The following RANGAP1 variants were observed in gnomAD, a reference collection of about 807,000 sequenced individuals.
RANGAP1 encodes the protein ran GTPase-activating protein 1.
RANGAP1 carries 38 observed loss-of-function variants against 63.5 expected under a neutral mutation model. The ratio of observed to expected loss-of-function variants is 0.60; its 90% CI spans 0.46 to 0.78. The LOEUF (loss-of-function observed/expected upper bound fraction) is 0.78, where lower values mean the gene tolerates loss of function less well. Among genes scored for constraint, RANGAP1 ranks in the 30% least tolerant of loss-of-function variants. The probability of loss-of-function intolerance (pLI) is 0.00; values close to 1 mark genes in which losing one functional copy is unlikely to be tolerated. For missense variants in RANGAP1, 630 were observed against 740.3 expected, an observed-to-expected ratio of 0.85 and a Z score of 1.73; for synonymous variants, 329 against 310.5, an observed-to-expected ratio of 1.06 and a Z score of -0.63.
chr22:41,246,265 T>C lies in RANGAP1; in HGVS notation c.*338A>G, dbSNP rs934764249. 6 of 195,918 alleles carry C rather than the reference T, an allele frequency of 3.1e-5. No individual in the cohort carries two copies. The highest frequency in any genetic ancestry group is 6.3e-5 in the Non-Finnish European group (6 of 95,764). The allele number at this position is 195,918 out of a possible 1,614,324, so 12.1% of individuals were successfully genotyped here. On this transcript the variant is annotated 3_prime_UTR_variant, in exon 16 of 16. Transcript: ENST00000356244. ...GAAGGCAGGTGGGTGGGGACGGCCA[T>C]CAGGGCCCAGGCGGAGATCAGCAGA... is the stretch of plus-strand genomic sequence containing the variant.
Position 41,261,557 on chromosome 22 carries a change from T to A in RANGAP1, c.504A>T (p.Glu168Asp), listed in dbSNP as rs1354360730. ...CTTGGGCACTGGATTTCCGGTGACA[T>A]TCGGTCAGAGCTGCAGCCAGGATCT... The part of the protein sequence containing the change: ...GGKILAAALT[E>D]CHRKSSAQGK... The change falls in exon 6 of 16, where the codon GAA becomes GAT. Residue 168 changes from glutamate (E) to aspartate (D), a missense_variant. Glu to Asp is a conservative substitution (Grantham distance 45). Coordinates refer to ENST00000356244, the MANE Select transcript of RANGAP1 (RefSeq NM_002883.4). 6.2e-7 allele frequency: 1 copy of A among 1,614,184 alleles called. No individual in the cohort carries two copies. The highest frequency in any genetic ancestry group is 1.7e-5 in the Admixed American group (1 of 60,026).
chr22:41,281,678 G>C, intron 1 of RANGAP1: 2 of 975,068 alleles, frequency 2.1e-6, no homozygotes, highest in Non-Finnish European at 2.4e-6. Flanking sequence ...TTCTAGATCA[G>C]AGATCGCCAC....
chr22:41,271,552 G>T (rs954599943), intron 3 of RANGAP1, among the ~76,000 whole-genome samples: 1 of 151,924 alleles, frequency 6.6e-6, no homozygotes, highest in Admixed American at 6.6e-5. Context: ...AAAATTAGCC[G>T]GCATGGTGGC....
At chr22:41,274,801 C>A (rs1343934067) in intron 2 of RANGAP1, 74 bp from the exon 3 acceptor site, 1 of 1,576,428 alleles carries the variant, frequency 6.3e-7, no homozygotes, top group Admixed American at 1.7e-5. Flanking sequence ...AGGTTGGCAA[C>A]CACCTTGCCA....
chr22:41,268,812 T>C (rs764336847), intron 3 of RANGAP1, among the ~76,000 whole-genome samples: 5 of 151,710 alleles, frequency 3.3e-5, no homozygotes, highest in South Asian at 4.2e-4. Flanking sequence ...CCCAGCACTT[T>C]GGGAGGCCGA....
rs1287113706 is a variant in RANGAP1, at chr22:41,265,067, C to A, written c.301-224G>T. Among the ~76,000 whole-genome samples the A allele has an allele frequency of 2.0e-5, 3 of 152,114 alleles. No individual in the cohort carries two copies. In the East Asian group the frequency reaches 5.8e-4, roughly 29 times the overall value. On this transcript the variant is annotated intron_variant, in intron 4 of 15. Coordinates refer to ENST00000356244, the MANE Select transcript of RANGAP1 (RefSeq NM_002883.4). ...ATGCCTGGAGTGGCCCGGGAAGGCT[C>A]CTTGTAAGAGGTGGCATTTGGACTT... is the stretch of plus-strand genomic sequence containing the variant.
chr22:41,275,757 C>T (rs962308391), intron 2 of RANGAP1, among the ~76,000 whole-genome samples: 8 of 149,666 alleles, frequency 5.3e-5, no homozygotes, highest in East Asian at 1.9e-4. Context: ...CTAGCCTGGG[C>T]GACACAGTGA....
At chr22:41,282,495 T>G (rs1601723470) in intron 1 of RANGAP1, 1 of 152,328 alleles carries the variant, frequency 6.6e-6, no homozygotes, top group African/African-American at 2.4e-5. Flanking sequence ...AATTTTTTTG[T>G]ATTTTTAGTA....
chr22:41,290,746 G>A (rs1432986749), upstream of RANGAP1, among the ~76,000 whole-genome samples: 1 of 152,142 alleles, frequency 6.6e-6, no homozygotes, highest in Non-Finnish European at 1.5e-5. Context: ...GCCTGAAAAC[G>A]AACTTAATTG....
At chr22:41,266,012 C>T (rs988173447) in intron 4 of RANGAP1, among the ~76,000 whole-genome samples, 2 of 152,098 alleles carry the variant, frequency 1.3e-5, no homozygotes, top group South Asian at 2.1e-4. Flanking sequence ...ACCATCCTGG[C>T]TAACACAGTG....
At chr22:41,290,195 A>G (rs1228501256), upstream of RANGAP1, among the ~76,000 whole-genome samples, 1 of 149,654 alleles carries the variant, frequency 6.7e-6, no homozygotes, top group African/African-American at 2.5e-5. Context: ...AATAGAAGAC[A>G]GGTCTCTAGG....
the RANGAP1 span, among the ~76,000 whole-genome samples, chr22:41,297,500 T>G: frequency 4.6e-5 from 7 of 151,622 alleles, no homozygotes; most frequent in Non-Finnish European, 1.0e-4. Context: ...ACCCTTTCAG[T>G]TGGGTACAGT....
the RANGAP1 span, among the ~76,000 whole-genome samples, chr22:41,298,616 C>T: frequency 1.3e-5 from 2 of 150,404 alleles, no homozygotes; most frequent in Non-Finnish European, 3.0e-5. Flanking sequence ...CGCCCGGCCT[C>T]GGCCTCCCAA....
At chr22:41,255,386 C>A (rs2033760207) in intron 10 of RANGAP1, among the ~76,000 whole-genome samples, 1 of 152,136 alleles carries the variant, frequency 6.6e-6, no homozygotes, top group Non-Finnish European at 1.5e-5. Context: ...TGCTGATGGC[C>A]CAACCGGACT....
chr22:41,293,997 C>G, the RANGAP1 span, among the ~76,000 whole-genome samples: 2 of 151,494 alleles, frequency 1.3e-5, no homozygotes, highest in African/African-American at 2.4e-5. Flanking sequence ...AACAAACAGC[C>G]CATCCTGCAG....
rs1173523795 is a variant in RANGAP1 at position 41,249,817 on chromosome 22, T to A, written c.1484A>T (p.Asp495Val). Residue 495 changes from aspartate to valine, a missense_variant and splice_region_variant, in exon 14 of 16, where the codon GAT becomes GTT. This residue lies in a region of RANGAP1 where 428 missense variants were observed against 465.5 expected (regional missense o/e 0.92). Transcript: ENST00000356244. ...TVRMAVQDAVDALMQKAFNSS... is the reference protein window; with the variant it reads ...TVRMAVQDAVVALMQKAFNSS... ...GTTGAAAGCCTTCTGCATCAGGGCA[T>A]CTGTAGGGCAGAAGCAGCAGGGGCA... 1.9e-6 allele frequency: 3 copies of A among 1,613,032 alleles called. No homozygotes were observed. Among genetic ancestry groups the A allele is most frequent in the Admixed American group, 3.3e-5 (2 of 60,024 alleles).
At chr22:41,280,778 AG>A (rs2035452134) in intron 2 of RANGAP1, 154 bp downstream of exon 2, 4 of 1,528,350 alleles carry the variant, frequency 2.6e-6, no homozygotes, top group Non-Finnish European at 3.5e-6. Context: ...ATGATCTCTG[AG>A]CCTCATTGTT....
intron 10 of RANGAP1, among the ~76,000 whole-genome samples, chr22:41,255,495 G>C (rs917997057): frequency 1.3e-5 from 2 of 151,620 alleles, no homozygotes; most frequent in African/African-American, 4.9e-5. Context: ...AGCGTCTTAA[G>C]AACAATCCCG....
the RANGAP1 span, among the ~76,000 whole-genome samples, chr22:41,302,009 C>T: frequency 6.6e-6 from 1 of 152,142 alleles, no homozygotes; most frequent in Non-Finnish European, 1.5e-5. This position sits in a 1 kb window ranked among gnomAD's most constrained non-coding sequence, Gnocchi z 5.7. Flanking sequence ...GTCCCCGTGC[C>T]CTGCCCCAAA....
Sources: allele counts gnomAD v4.1 joint callset (sites outside exome capture counted in the v4.1 genomes callset), GRCh38; gene constraint gnomAD v4.1.1; regional missense constraint gnomAD v4.1.1; non-coding constraint Gnocchi (gnomAD v3.1); transcripts MANE v1.5; gene names NCBI Gene and HGNC (gene_info 2026-07-23, HGNC 2026-07-21).